The following PPM1A variants were observed in gnomAD, a reference collection of about 807,000 sequenced individuals.
PPM1A encodes protein phosphatase, Mg2+/Mn2+ dependent 1A, also known as protein phosphatase 1A.
In PPM1A, 7 loss-of-function variants were observed where a neutral mutation model predicts 35.0. The observed-to-expected ratio is 0.20, with a 90% CI of 0.11 to 0.38. The LOEUF is 0.38. Among genes scored for constraint, PPM1A ranks in the 10% least tolerant of loss-of-function variants. The pLI is 1.00. For missense variants in PPM1A, 239 were observed against 467.8 expected, an observed-to-expected ratio of 0.51 and a Z score of 4.51; for synonymous variants, 153 against 167.3, an observed-to-expected ratio of 0.91 and a Z score of 0.66.
rs762697559 is a variant in PPM1A at position 60,292,485 on chromosome 14, C to G, written c.*3C>G. On this transcript the variant is annotated 3_prime_UTR_variant, in exon 6 of 6. Transcript: ENST00000395076. The surrounding 1 kb of genome is among the most constrained non-coding windows in gnomAD (Gnocchi z 4.2). ...CATCAACAGATGATATGTGGTAAAACTGCTCATCTAGCCATGGAGTTTACC... is the reference window on the plus strand; with the variant it reads ...CATCAACAGATGATATGTGGTAAAAGTGCTCATCTAGCCATGGAGTTTACC... The G allele has an allele frequency of 1.2e-5, 19 of 1,598,378 alleles. No homozygotes were observed. The South Asian group carries it at 1.9e-4, about 16-fold the overall frequency.
In PPM1A at chr14:60,295,714, T is replaced by A. The variant is rs763537172; in HGVS notation, c.*3232T>A. On this transcript the variant is annotated 3_prime_UTR_variant, in exon 6 of 6. Coordinates refer to ENST00000395076, the MANE Select transcript of PPM1A (RefSeq NM_021003.5). ...GCTTCAAGTTTACATCTGGACAATT[T>A]ATAATCTAGTGTATGTTAGTATTAT... 3 of 151,632 alleles carry A rather than the reference T, an allele frequency of 2.0e-5. No homozygotes were observed. Among genetic ancestry groups the A allele is most frequent in the Non-Finnish European group, 3.0e-5 (2 of 67,650 alleles). 9.4% of individuals were successfully genotyped at this position (151,632 alleles called of 1,614,324 possible).
chr14:60,286,967 A>AT (rs1887085148), intron 3 of PPM1A: 1 of 884,924 alleles, frequency 1.1e-6, no homozygotes, highest in South Asian at 5.2e-5. Flanking sequence ...CAATTTTAAA[A>AT]TATTTAGAAT....
chr14:60,271,307 C>T (rs759481100), intron 1 of PPM1A, among the ~76,000 whole-genome samples: 9 of 152,220 alleles, frequency 5.9e-5, no homozygotes, highest in Non-Finnish European at 1.0e-4. Flanking sequence ...CTCTCTCCAT[C>T]TCAAGATTCT....
chr14:60,249,502 C>A lies in PPM1A; in HGVS notation c.-196C>A. 1 of 985,212 alleles carries A rather than the reference C, an allele frequency of 1.0e-6. No homozygotes were observed. Among genetic ancestry groups the A allele is most frequent in the Non-Finnish European group, 1.2e-6 (1 of 829,884 alleles). 61.0% of individuals were successfully genotyped at this position (985,212 alleles called of 1,614,324 possible). ...CGCGAGGGCGCCGACAGCCGGGGGC[C>A]CGGACGCAGCCCGGCTCCTCCCCTC... On this transcript the variant is annotated 5_prime_UTR_variant, in exon 1 of 6. Coordinates refer to ENST00000395076, the MANE Select transcript of PPM1A (RefSeq NM_021003.5). The surrounding 1 kb of genome is among the most constrained non-coding windows in gnomAD (Gnocchi z 4.5).
At chr14:60,270,295 T>C (rs1371793466) in intron 1 of PPM1A, among the ~76,000 whole-genome samples, 2 of 152,198 alleles carry the variant, frequency 1.3e-5, no homozygotes, top group African/African-American at 4.8e-5. Context: ...TTTTATATTC[T>C]GGTTTCTTTT....
At chr14:60,267,193 T>C (rs1382679640) in intron 1 of PPM1A, 2 of 152,134 alleles carry the variant, frequency 1.3e-5, no homozygotes, top group African/African-American at 4.8e-5. Context: ...AACCATTATT[T>C]CTACACATTG....
chr14:60,277,133 C>A (rs977400150), intron 1 of PPM1A: 10 of 858,838 alleles, frequency 1.2e-5, no homozygotes, highest in Non-Finnish European at 1.4e-5. Context: ...TAAAAACTTT[C>A]ATGGACAAAT....
intron 1 of PPM1A, among the ~76,000 whole-genome samples, chr14:60,261,637 C>A: frequency 6.6e-6 from 1 of 152,094 alleles, no homozygotes; most frequent in Non-Finnish European, 1.5e-5. Flanking sequence ...TGGCACCATC[C>A]CCGTCAGGTC....
rs139317639 is a variant in PPM1A at position 60,274,995 on chromosome 14, A to G, written c.-20-7689A>G. Among the ~76,000 whole-genome samples, 21 of 151,548 alleles carry G rather than the reference A, an allele frequency of 1.4e-4. 1 individual carries two copies. Among genetic ancestry groups the G allele is most frequent in the Admixed American group, 3.9e-4 (6 of 15,226 alleles). On this transcript the variant is annotated intron_variant, in intron 1 of 5. Transcript: ENST00000395076. The stretch of plus-strand genomic sequence containing the variant: ...GAAATTGGCTTTGCTAGAAATTACA[A>G]TTAGTTCACTGTTGTTTTCTTTCAG...
chr14:60,246,364 C>T (rs998092207), upstream of PPM1A, among the ~76,000 whole-genome samples: 4 of 152,170 alleles, frequency 2.6e-5, no homozygotes, highest in African/African-American at 9.7e-5. Context: ...CACCCCAAGC[C>T]TCCCAATTAC....
intron 4 of PPM1A, 118 bp downstream of exon 4, chr14:60,290,032 C>G (rs907131996): frequency 1.5e-6 from 1 of 653,262 alleles, no homozygotes; most frequent in East Asian, 3.4e-5. Context: ...TGTGTTTTAA[C>G]CTGTGATTTC....
At chr14:60,268,973 G>T (rs1884744256) in intron 1 of PPM1A, among the ~76,000 whole-genome samples, 1 of 149,920 alleles carries the variant, frequency 6.7e-6, no homozygotes, top group Non-Finnish European at 1.5e-5. Context: ...GGGGTAGGAT[G>T]GGGGAGTGTG....
intron 1 of PPM1A, among the ~76,000 whole-genome samples, chr14:60,268,685 AAC>A (rs1309345164): frequency 1.3e-5 from 2 of 150,930 alleles, no homozygotes; most frequent in East Asian, 3.9e-4. Context: ...TTCTATTTTC[AAC>A]ACACTATTGC....
intron 4 of PPM1A, among the ~76,000 whole-genome samples, chr14:60,290,342 T>A (rs1166604924): frequency 6.6e-6 from 1 of 152,160 alleles, no homozygotes; most frequent in African/African-American, 2.4e-5. Flanking sequence ...TTTCTATGCC[T>A]GATTTTCCCA....
At position 60,284,533 on chromosome 14, in the gene PPM1A, G is replaced by T. The variant is rs575392664; in HGVS notation, c.834+996G>T. On this transcript the variant is annotated intron_variant, in intron 2 of 5. Transcript: ENST00000395076. ...GGCGGGCGCCTGTAGTCCCAGCTAC[G>T]CGGGAGGCTGAGGCAGGAGAATGGC... is the stretch of plus-strand genomic sequence containing the variant. 7.7e-3 allele frequency among the ~76,000 whole-genome samples: 1,164 copies of T among 150,990 alleles called. 7 individuals are homozygous for T. The highest frequency in any genetic ancestry group is 0.012 in the Non-Finnish European group (789 of 67,752).
Position 60,294,011 on chromosome 14 carries a change from C to T in PPM1A, c.*1529C>T, listed in dbSNP as rs531921329. On this transcript the variant is annotated 3_prime_UTR_variant, in exon 6 of 6. Coordinates refer to ENST00000395076, the MANE Select transcript of PPM1A (RefSeq NM_021003.5). ...ATGTAATCATTCAGTAGGCAGATTC[C>T]CACTAGAAAACTGTTGAAATGTAAG... is the stretch of plus-strand genomic sequence containing the variant. 1 of 151,780 alleles carries T rather than the reference C, an allele frequency of 6.6e-6. No individual in the cohort carries two copies. Among genetic ancestry groups the T allele is most frequent in the South Asian group, 2.1e-4 (1 of 4,796 alleles). 9.4% of individuals were successfully genotyped at this position (151,780 alleles called of 1,614,324 possible).
chr14:60,249,515 G>A lies in PPM1A; in HGVS notation c.-183G>A. The A allele has an allele frequency of 1.0e-6, 1 of 985,148 alleles. No homozygotes were observed. Among genetic ancestry groups the A allele is most frequent in the Non-Finnish European group, 1.2e-6 (1 of 829,666 alleles). The allele number at this position is 985,148 out of a possible 1,614,324, so 61.0% of individuals were successfully genotyped here. ...ACAGCCGGGGGCCCGGACGCAGCCC[G>A]GCTCCTCCCCTCCTCCGCCCCTTCC... On this transcript the variant is annotated 5_prime_UTR_variant, in exon 1 of 6. Transcript: ENST00000395076. The surrounding 1 kb of genome is among the most constrained non-coding windows in gnomAD (Gnocchi z 4.5).
chr14:60,247,233 T>C (rs545938948), upstream of PPM1A, among the ~76,000 whole-genome samples: 2 of 152,174 alleles, frequency 1.3e-5, no homozygotes, highest in South Asian at 4.1e-4. Flanking sequence ...GTCGGGGAGA[T>C]ATGTGGAGAA....
Position 60,282,541 on chromosome 14 carries a change from A to C in PPM1A, c.-20-143A>C, listed in dbSNP as rs1400448460. ...CCAGTTCCTCCTTGTTAATCTCCAG[A>C]TTCCAAGTCAGCAACACAATGAATG... On this transcript the variant is annotated intron_variant, in intron 1 of 5. Transcript: ENST00000395076. This position sits in a 1 kb window ranked among gnomAD's most constrained non-coding sequence, Gnocchi z 5.1. The C allele has an allele frequency of 9.3e-7, 1 of 1,071,802 alleles. No homozygotes were observed. Among genetic ancestry groups the C allele is most frequent in the East Asian group, 2.6e-5 (1 of 38,430 alleles). The allele number at this position is 1,071,802 out of a possible 1,614,324, so 66.4% of individuals were successfully genotyped here.
Sources: gnomAD v4.1 joint callset for allele counts (sites outside exome capture counted in the v4.1 genomes callset) on GRCh38, gnomAD v4.1.1 for gene constraint, Gnocchi (gnomAD v3.1) non-coding constraint, MANE v1.5 for transcripts, NCBI Gene and HGNC (gene_info 2026-07-23, HGNC 2026-07-21) for gene names.